The following RNLS variants were observed in gnomAD, a reference collection of about 807,000 sequenced individuals.
RNLS encodes the protein renalase, FAD dependent amine oxidase.
Under a neutral mutation model 39.8 loss-of-function variants are expected in RNLS, and 39 were observed. The ratio of observed to expected loss-of-function variants is 0.98; its 90% CI spans 0.76 to 1.28. The LOEUF (loss-of-function observed/expected upper bound fraction) is 1.28, where lower values mean the gene tolerates loss of function less well. Among genes scored for constraint, RNLS ranks in the 50% most tolerant of loss-of-function variants. The pLI, the probability that RNLS is intolerant of heterozygous loss-of-function variation, is 0.00. For missense variants in RNLS, 410 were observed against 413.3 expected (o/e 0.99, Z 0.07); for synonymous variants, 147 against 150.7 (o/e 0.98, Z 0.18).
intron 4 of RNLS, among the ~76,000 whole-genome samples, chr10:88,421,740 C>T (rs1156289660): frequency 2.0e-5 from 3 of 152,140 alleles, no homozygotes; most frequent in East Asian, 1.9e-4. Context: ...TATATCATGG[C>T]ATTTAAGGTT....
chr10:88,223,685 T>C, the RNLS span, among the ~76,000 whole-genome samples: 3 of 152,192 alleles, frequency 2.0e-5, no homozygotes, highest in African/African-American at 7.2e-5. Flanking sequence ...ACTGTAGAGA[T>C]AGATTTGTGA....
intron 4 of RNLS, among the ~76,000 whole-genome samples, chr10:88,442,056 C>T (rs955337206): frequency 3.3e-5 from 5 of 152,184 alleles, no homozygotes; most frequent in Non-Finnish European, 7.3e-5. Context: ...AGGCTGGGAA[C>T]ATTTCTTTGG....
intron 4 of RNLS, among the ~76,000 whole-genome samples, chr10:88,416,469 T>C (rs1376939998): frequency 6.6e-6 from 1 of 152,048 alleles, no homozygotes; most frequent in African/African-American, 2.4e-5. Context: ...GTCAGGCTAG[T>C]CTCAAATTCC....
chr10:88,356,310 A>C (rs1160242883), intron 5 of RNLS, among the ~76,000 whole-genome samples: 1 of 152,112 alleles, frequency 6.6e-6, no homozygotes, highest in Non-Finnish European at 1.5e-5. Context: ...TGCGTTACTC[A>C]TGCCGGGAGC....
the RNLS span, among the ~76,000 whole-genome samples, chr10:88,257,603 C>T: frequency 6.6e-6 from 1 of 151,998 alleles, no homozygotes; most frequent in African/African-American, 2.4e-5. Context: ...ATCCCTAGAG[C>T]CTAGTTTCTA....
the RNLS span, among the ~76,000 whole-genome samples, chr10:88,247,908 G>T: frequency 6.6e-6 from 1 of 152,232 alleles, no homozygotes; most frequent in Non-Finnish European, 1.5e-5. Flanking sequence ...ACTAGGCAAA[G>T]AATGCAGGCA....
At chr10:88,582,510 A>G (rs1474674475) in intron 1 of RNLS, among the ~76,000 whole-genome samples, 2 of 152,234 alleles carry the variant, frequency 1.3e-5, no homozygotes, top group Non-Finnish European at 2.9e-5. Flanking sequence ...TAGTGCATAT[A>G]TTTAGTAATA....
the RNLS span, among the ~76,000 whole-genome samples, chr10:88,253,916 G>A: frequency 6.6e-6 from 1 of 152,168 alleles, no homozygotes; most frequent in African/African-American, 2.4e-5. Context: ...CTTTGTAGGA[G>A]CTTTCCACAT....
the RNLS span, among the ~76,000 whole-genome samples, chr10:88,206,370 T>C: frequency 3.3e-5 from 5 of 152,212 alleles, no homozygotes; most frequent in Non-Finnish European, 5.9e-5. Context: ...CTCTGTTGAC[T>C]ACACAAAAAT....
intron 4 of RNLS, among the ~76,000 whole-genome samples, chr10:88,489,860 C>G (rs578026028): frequency 6.6e-6 from 1 of 152,212 alleles, no homozygotes; most frequent in East Asian, 1.9e-4. Context: ...TGAGGCAAGA[C>G]GGAAAATTCA....
At chr10:88,203,704 C>T in the RNLS span, among the ~76,000 whole-genome samples, 1 of 149,868 alleles carries the variant, frequency 6.7e-6, no homozygotes, top group Admixed American at 6.7e-5. Flanking sequence ...AGAATGGTTG[C>T]CTTAGATTTA....
chr10:88,370,095 A>C (rs1213489303), intron 4 of RNLS, among the ~76,000 whole-genome samples: 2 of 152,158 alleles, frequency 1.3e-5, no homozygotes, highest in Non-Finnish European at 2.9e-5. Context: ...CTAGGAAAGC[A>C]CTCTGAAGCC....
At position 88,284,102 on chromosome 10, in the gene RNLS, T is replaced by C. The variant is rs192800917; in HGVS notation, c.*1252A>G. 7.2e-6 allele frequency: 7 copies of C among 976,540 alleles called. No individual in the cohort carries two copies. The highest frequency in any genetic ancestry group is 1.1e-4 in the East Asian group (1 of 8,786). 60.5% of individuals were successfully genotyped at this position (976,540 alleles called of 1,614,324 possible). A position where few individuals can be genotyped will look rare whatever the true frequency, so the allele number is the denominator to read the frequency against. On this transcript the variant is annotated 3_prime_UTR_variant, in exon 7 of 7. Coordinates refer to ENST00000331772, the MANE Select transcript of RNLS (RefSeq NM_001031709.3). ...CAAAATAAGTGACATTAACCACATG[T>C]TGGCATTTAAGTTTTTCACCAATTT...
intron 5 of RNLS, among the ~76,000 whole-genome samples, chr10:88,324,591 T>C (rs911226385): frequency 8.6e-5 from 13 of 151,666 alleles, no homozygotes; most frequent in African/African-American, 2.7e-4. Context: ...GGGGAGAGAG[T>C]TGAAAAATTC....
chr10:88,177,785 G>A, the RNLS span, among the ~76,000 whole-genome samples: 3 of 152,188 alleles, frequency 2.0e-5, no homozygotes, highest in Admixed American at 6.5e-5. Context: ...TGGGTAGGTT[G>A]CTCTGGCTTT....
intron 6 of RNLS, among the ~76,000 whole-genome samples, chr10:88,295,971 T>C (rs554610547): frequency 6.6e-6 from 1 of 152,308 alleles, no homozygotes; most frequent in South Asian, 2.1e-4. Context: ...GAAGTAATAA[T>C]GGACAGAACA....
At chr10:88,349,683 C>CA (rs1336344093) in intron 5 of RNLS, among the ~76,000 whole-genome samples, 2 of 151,702 alleles carry the variant, frequency 1.3e-5, no homozygotes, top group Non-Finnish European at 2.9e-5. Context: ...ATTTAAATAA[C>CA]AAAAAATATT....
chr10:88,579,109 C>T (rs540770249), intron 3 of RNLS, among the ~76,000 whole-genome samples: 17 of 152,114 alleles, frequency 1.1e-4, no homozygotes, highest in Non-Finnish European at 2.1e-4. Flanking sequence ...ATACAGGAGT[C>T]CATTTTTATG....
At position 88,575,921 on chromosome 10, in the gene RNLS, A is replaced by T. The variant is rs114991483; in HGVS notation, c.368-2860T>A. On this transcript the variant is annotated intron_variant, in intron 3 of 6. Transcript: ENST00000331772. ...CACTCACTACCGTCCAGTCATAATG[A>T]TCTTTTATTCCTTGAATGCACTAAC... Among the ~76,000 whole-genome samples, 145 of 152,210 alleles carry T rather than the reference A, an allele frequency of 9.5e-4. 1 individual carries two copies. The highest frequency in any genetic ancestry group is 3.1e-3 in the African/African-American group (129 of 41,540).
Sources: allele counts gnomAD v4.1 joint callset (sites outside exome capture counted in the v4.1 genomes callset), GRCh38; gene constraint gnomAD v4.1.1; transcripts MANE v1.5; gene names NCBI Gene and HGNC (gene_info 2026-07-23, HGNC 2026-07-21).